PKD1L1: variants seen among roughly 807,000 people sequenced by gnomAD.
The protein encoded by PKD1L1 is polycystin 1 like 1, transient receptor potential channel interacting, also known as polycystin-1-like protein 1.
In PKD1L1, 236 loss-of-function variants were observed where a neutral mutation model predicts 323.4. The ratio of observed to expected loss-of-function variants is 0.73; its 90% CI spans 0.66 to 0.81. PKD1L1 has a LOEUF of 0.81. Ranked by LOEUF, PKD1L1 falls within the 40% of genes least tolerant of loss-of-function variation. The pLI, the probability that PKD1L1 is intolerant of heterozygous loss-of-function variation, is 0.00. For synonymous variants in PKD1L1, 1,344 were observed against 1,335.0 expected (o/e 1.01, Z -0.15); for missense variants, 3,320 against 3,508.0 (o/e 0.95, Z 1.35).
At chr7:47,775,866 G>A (rs116240341) in intron 56 of PKD1L1, among the ~76,000 whole-genome samples, 1,826 of 148,952 alleles carry the variant, frequency 0.012, 38 homozygotes, top group African/African-American at 0.042. Flanking sequence ...CTAGTTCCTT[G>A]AGAAGATCAA....
At chr7:47,901,395 A>G (rs2128750503) in intron 13 of PKD1L1, among the ~76,000 whole-genome samples, 1 of 152,154 alleles carries the variant, frequency 6.6e-6, no homozygotes, top group South Asian at 2.1e-4. Flanking sequence ...TGTTTTACAG[A>G]TAAGAAAATA....
At chr7:47,868,846 G>A (rs2128744421) in intron 24 of PKD1L1, among the ~76,000 whole-genome samples, 1 of 152,344 alleles carries the variant, frequency 6.6e-6, no homozygotes, top group South Asian at 2.1e-4. Context: ...CTGCACTCCA[G>A]CCTGGGCAAC....
intron 30 of PKD1L1, among the ~76,000 whole-genome samples, chr7:47,854,074 ACT>A (rs1391258841): frequency 6.6e-6 from 1 of 152,056 alleles, no homozygotes; most frequent in Non-Finnish European, 1.5e-5. Flanking sequence ...TAAAATCCAA[ACT>A]CTAAGCAGAC....
chr7:47,840,006 A>G lies in PKD1L1; in HGVS notation c.5553-344T>C, dbSNP rs1340679243. ...AAGACATAATACTCCAAACCTATAA[A>G]TATCATACATGAAATTTACCAGGAG... On this transcript the variant is annotated intron_variant, in intron 35 of 56. Coordinates refer to ENST00000289672, the MANE Select transcript of PKD1L1 (RefSeq NM_138295.5). The surrounding 1 kb of genome is among the most constrained non-coding windows in gnomAD (Gnocchi z 4.1). Among the ~76,000 whole-genome samples, 1 of 152,176 alleles carries G rather than the reference A, an allele frequency of 6.6e-6. No individual in the cohort carries two copies. The highest frequency in any genetic ancestry group is 6.5e-5 in the Admixed American group (1 of 15,288).
chr7:47,817,697 C>T (rs1033294402), intron 46 of PKD1L1, among the ~76,000 whole-genome samples: 15 of 152,130 alleles, frequency 9.9e-5, no homozygotes, highest in African/African-American at 3.6e-4. Context: ...GGCTAAACCC[C>T]CGTCTTTACT....
intron 50 of PKD1L1, 65 bp from the exon 51 acceptor site, chr7:47,809,642 T>C: frequency 1.6e-6 from 2 of 1,222,792 alleles, no homozygotes; most frequent in Non-Finnish European, 1.1e-6. Flanking sequence ...TTTGAAGGTC[T>C]AAACATGTGA....
chr7:47,840,415 AT>A lies in PKD1L1; in HGVS notation c.5552+45del. The A allele has an allele frequency of 2.9e-6, 4 of 1,402,618 alleles. No homozygotes were observed. Among genetic ancestry groups the A allele is most frequent in the Non-Finnish European group, 4.0e-6 (4 of 988,590 alleles). The allele number at this position is 1,402,618 out of a possible 1,614,324, so 86.9% of individuals were successfully genotyped here. ...TTGTGATAAGGTTACACCAATTCTG[AT>A]TGGCCTCTCTTTCCCAAATCTAGCA... On this transcript the variant is annotated intron_variant, in intron 35 of 56. Transcript: ENST00000289672. The surrounding 1 kb of genome is among the most constrained non-coding windows in gnomAD (Gnocchi z 4.1).
chr7:47,788,077 T>C (rs1325605560), intron 56 of PKD1L1, among the ~76,000 whole-genome samples: 1 of 152,138 alleles, frequency 6.6e-6, no homozygotes, highest in Non-Finnish European at 1.5e-5. Context: ...TCTGATGTTG[T>C]ATTATTAAAT....
rs962652741 is a variant in PKD1L1, at chr7:47,926,914, G to A, written c.1060+2290C>T. On this transcript the variant is annotated intron_variant, in intron 7 of 56. Transcript: ENST00000289672. Reference sequence around the variant, plus strand: ...AAGCCAGCATAGGTAGAGAGAGCACGCCCCATCAGTGTGGCAATGGAATCT... The same window carrying A: ...AAGCCAGCATAGGTAGAGAGAGCACACCCCATCAGTGTGGCAATGGAATCT... Among the ~76,000 whole-genome samples, 7 of 152,166 alleles carry A rather than the reference G, an allele frequency of 4.6e-5. No homozygotes were observed. In the East Asian group the frequency reaches 7.7e-4, roughly 17 times the overall value.
At chr7:47,825,081 T>C (rs1785216382) in intron 45 of PKD1L1, among the ~76,000 whole-genome samples, 1 of 152,222 alleles carries the variant, frequency 6.6e-6, no homozygotes, top group Admixed American at 6.5e-5. Context: ...CTATTTGACA[T>C]AGCCTCACTA....
At chr7:47,813,889 T>C (rs1784958003) in intron 48 of PKD1L1, 42 bp downstream of exon 48, 1 of 1,548,298 alleles carries the variant, frequency 6.5e-7, no homozygotes, top group African/African-American at 1.4e-5. Context: ...ACTTCTCTAA[T>C]TCCATTTATT....
At chr7:47,902,933 G>T (rs1260789734) in intron 12 of PKD1L1, among the ~76,000 whole-genome samples, 1 of 152,162 alleles carries the variant, frequency 6.6e-6, no homozygotes. Context: ...TGGTCTTCCT[G>T]TTCTATTTCC....
At chr7:47,899,566 TAG>T (rs1787033586) in intron 13 of PKD1L1, among the ~76,000 whole-genome samples, 1 of 151,934 alleles carries the variant, frequency 6.6e-6, no homozygotes, top group East Asian at 1.9e-4. Context: ...GGCCTCAGGA[TAG>T]AGTCTCTGCC....
chr7:47,821,425 C>T (rs973756571), intron 45 of PKD1L1, among the ~76,000 whole-genome samples: 3 of 151,930 alleles, frequency 2.0e-5, no homozygotes, highest in African/African-American at 7.3e-5. Context: ...CGTGCCACCA[C>T]GCTCGGCTAA....
chr7:47,845,069 G>A lies in PKD1L1; in HGVS notation c.5163C>T (p.Arg1721=), dbSNP rs1431060369. ...SPEKVNCSYH[R]LAAFALLRRK... ...TCCTTAGGAGAGCGAATGCCGCGAG[G>A]CGATGGTAGCTAGGAGGGAAATGCG... Residue 1721 remains arginine (R), a synonymous_variant, in exon 33 of 57, where the codon CGC becomes CGT. Coordinates refer to ENST00000289672, the MANE Select transcript of PKD1L1 (RefSeq NM_138295.5). 2 of 1,613,480 alleles carry A rather than the reference G, an allele frequency of 1.2e-6. No homozygotes were observed. Among genetic ancestry groups the A allele is most frequent in the East Asian group, 2.2e-5 (1 of 44,886 alleles).
chr7:47,782,808 G>T (rs1052229225), intron 56 of PKD1L1, among the ~76,000 whole-genome samples: 1 of 152,116 alleles, frequency 6.6e-6, no homozygotes, highest in African/African-American at 2.4e-5. Flanking sequence ...TCAATTAATT[G>T]TCAAGCCTTT....
In PKD1L1 at chr7:47,944,836, G is replaced by C. The variant is rs138299768; in HGVS notation, c.45-1325C>G. On this transcript the variant is annotated intron_variant, in intron 1 of 56. Transcript: ENST00000289672. ...GAGGTATCTGTGTCTGGCACCAATC[G>C]ACTTGAGAAAGATCAAGTGCAGCGA... 7.9e-5 allele frequency among the ~76,000 whole-genome samples: 12 copies of C among 152,302 alleles called. No homozygotes were observed. In the East Asian group the frequency reaches 2.3e-3, roughly 29 times the overall value.
Position 47,906,626 on chromosome 7 carries a change from GC to G in PKD1L1, c.1403-665del, listed in dbSNP as rs1189781989. On this transcript the variant is annotated intron_variant, in intron 9 of 56. Coordinates refer to ENST00000289672, the MANE Select transcript of PKD1L1 (RefSeq NM_138295.5). ...ACTGTGATGTCTAAGAAGATTTAGA[GC>G]AACTCATTTATCATAAAAGGGTATT... 2.0e-5 allele frequency among the ~76,000 whole-genome samples: 3 copies of G among 152,144 alleles called. No homozygotes were observed. In the East Asian group the frequency reaches 5.8e-4, roughly 29 times the overall value.
At chr7:47,866,651 C>A in intron 24 of PKD1L1, 37 bp from the exon 25 acceptor site, 1 of 1,533,434 alleles carries the variant, frequency 6.5e-7, no homozygotes, top group Non-Finnish European at 8.8e-7. Context: ...ACTGTTCCAA[C>A]ACACGGCAAA....
Sources: allele counts gnomAD v4.1 joint callset (sites outside exome capture counted in the v4.1 genomes callset), GRCh38; gene constraint gnomAD v4.1.1; non-coding constraint Gnocchi (gnomAD v3.1); transcripts MANE v1.5; gene names NCBI Gene and HGNC (gene_info 2026-07-23, HGNC 2026-07-21).